The following CLDN14 variants were observed in gnomAD, a reference collection of about 807,000 sequenced individuals.
The protein encoded by CLDN14 is claudin-14.
Under a neutral mutation model 2.1 loss-of-function variants are expected in CLDN14, and 2 were observed. That is an observed-to-expected ratio of 0.96 (90% CI 0.39 to 3.01). CLDN14 has a LOEUF of 3.01. Among genes scored for constraint, CLDN14 ranks in the 30% most tolerant of loss-of-function variants. The probability of loss-of-function intolerance (pLI) is 0.09; values close to 1 mark genes in which losing one functional copy is unlikely to be tolerated. For missense variants in CLDN14, 298 were observed against 328.0 expected, an observed-to-expected ratio of 0.91 and a Z score of 0.71; for synonymous variants, 136 against 154.4, an observed-to-expected ratio of 0.88 and a Z score of 0.88.
intron 1 of CLDN14, among the ~76,000 whole-genome samples, chr21:36,576,072 A>T (rs1461889140): frequency 6.6e-6 from 1 of 152,138 alleles, no homozygotes; most frequent in Non-Finnish European, 1.5e-5. Flanking sequence ...AAACCAACCA[A>T]CCATCCCCTC....
At position 36,558,556 on chromosome 21, in the gene CLDN14, G is replaced by A. The variant is rs1317955434; in HGVS notation, c.-220+17855C>T. ...GTGTGAAAGCCAGTTTATAAAGACA[G>A]GAAAGGAATAAAGAATGGCTACTCT... On this transcript the variant is annotated intron_variant, in intron 1 of 2. Coordinates refer to the CLDN14 transcript ENST00000342108. 2.0e-5 allele frequency among the ~76,000 whole-genome samples: 3 copies of A among 152,104 alleles called. No individual in the cohort carries two copies. The East Asian group carries it at 5.8e-4, about 29-fold the overall frequency.
rs1189526170 is a variant in CLDN14 at position 36,544,819 on chromosome 21, C to G, written c.-220+31592G>C. Among the ~76,000 whole-genome samples the G allele has an allele frequency of 6.6e-6, 1 of 152,136 alleles. No individual in the cohort carries two copies. Among genetic ancestry groups the G allele is most frequent in the African/African-American group, 2.4e-5 (1 of 41,410 alleles). ...GAAGTAAGACATGTGCACAGAGCAA[C>G]CATGTGAAAACAATTAGGACGACAA... On this transcript the variant is annotated intron_variant, in intron 1 of 2. Transcript: ENST00000342108. The surrounding 1 kb of genome is among the most constrained non-coding windows in gnomAD (Gnocchi z 4.1).
chr21:36,569,352 G>A (rs904434159), intron 1 of CLDN14, among the ~76,000 whole-genome samples: 1 of 151,810 alleles, frequency 6.6e-6, no homozygotes, highest in African/African-American at 2.4e-5. Context: ...GGAGGCAAAG[G>A]TTGCAGTGAG....
In CLDN14 at chr21:36,460,981, C is replaced by T. The variant is rs201218449; in HGVS notation, c.715G>A (p.Val239Met). The change falls in exon 2 of 2, where the codon GTG becomes ATG. Residue 239 changes from valine to methionine, a missense_variant. Physicochemically the swap from Val to Met is conservative, Grantham distance 21. Coordinates refer to ENST00000399135, the MANE Select transcript of CLDN14 (RefSeq NM_001146079.2). The surrounding 1 kb of genome is among the most constrained non-coding windows in gnomAD (Gnocchi z 4.0). The part of the protein sequence containing the change: ...THSGYRLNDY[V>M] ...GAGAAGCAGGCTGTGGGGACTCACA[C>T]GTAGTCGTTCAGCCTGTACCCGCTG... 3.6e-5 allele frequency: 58 copies of T among 1,612,416 alleles called. No homozygotes were observed. Among genetic ancestry groups the T allele is most frequent in the Admixed American group, 1.5e-4 (9 of 60,004 alleles).
At chr21:36,480,829 C>T (rs936722996), upstream of CLDN14, 2 of 152,096 alleles carry the variant, frequency 1.3e-5, no homozygotes, top group Middle Eastern at 3.4e-3. Flanking sequence ...ATCAATCCGC[C>T]GGGCTCTGGT....
chr21:36,487,151 A>C (rs150494374), intron 2 of CLDN14: 8,478 of 208,094 alleles, frequency 0.041, 232 homozygotes, highest in Non-Finnish European at 0.057. Context: ...CACCCGGCTA[A>C]TTTTTGTATT....
At chr21:36,506,363 A>C (rs1424129544) in intron 2 of CLDN14, among the ~76,000 whole-genome samples, 1 of 152,154 alleles carries the variant, frequency 6.6e-6, no homozygotes, top group Non-Finnish European at 1.5e-5. Flanking sequence ...TTGGGAGGCC[A>C]AGGCAGGTGG....
rs1350203298 is a variant in CLDN14 at position 36,515,787 on chromosome 21, C to G, written c.-219-5287G>C. Reference sequence around the variant, plus strand: ...CTAAGCTGTGTTTCCCTTTTATCTTCTCTTTTTTTTTTTTTTTGAGACAGA... The same window carrying G: ...CTAAGCTGTGTTTCCCTTTTATCTTGTCTTTTTTTTTTTTTTTGAGACAGA... On this transcript the variant is annotated intron_variant, in intron 1 of 2. Transcript: ENST00000342108. Among the ~76,000 whole-genome samples the G allele has an allele frequency of 1.2e-4, 4 of 34,246 alleles. No individual in the cohort carries two copies. In the East Asian group the frequency reaches 1.6e-3, roughly 13 times the overall value. 22.5% of individuals were successfully genotyped at this position (34,246 alleles called of 152,430 possible). A position where few individuals can be genotyped will look rare whatever the true frequency, so the allele number is the denominator to read the frequency against.
At chr21:36,501,424 A>C (rs1482549122) in intron 2 of CLDN14, among the ~76,000 whole-genome samples, 1 of 136,244 alleles carries the variant, frequency 7.3e-6, no homozygotes, top group Non-Finnish European at 1.5e-5. Flanking sequence ...AACCAGGTTA[A>C]ATCTGACCTT....
rs2146464768 is a variant in CLDN14, at chr21:36,492,442, A to C, written c.-82+17921T>G. 3.7e-5 allele frequency among the ~76,000 whole-genome samples: 4 copies of C among 106,920 alleles called. 1 individual carries two copies. Among genetic ancestry groups the C allele is most frequent in the South Asian group, 6.6e-4 (2 of 3,012 alleles). The allele number at this position is 106,920 out of a possible 152,430, so 70.1% of individuals were successfully genotyped here. A position where few individuals can be genotyped will look rare whatever the true frequency, so the allele number is the denominator to read the frequency against. On this transcript the variant is annotated intron_variant, in intron 2 of 2. Coordinates refer to the CLDN14 transcript ENST00000342108. Reference sequence around the variant, plus strand: ...GGCGACAGAGCGAGACTCCGTCCCAAAAAAAAAAAAAAAAAAAAAAAAAAA... The same window carrying C: ...GGCGACAGAGCGAGACTCCGTCCCACAAAAAAAAAAAAAAAAAAAAAAAAA...
Position 36,498,224 on chromosome 21 carries a change from C to T in CLDN14, c.-82+12139G>A, listed in dbSNP as rs1225225331. ...CCATATTGGCCAGGCTGGTGTCGAA[C>T]TCCTGACCTCAGGCGGTCCACCTGC... On this transcript the variant is annotated intron_variant, in intron 2 of 2. Transcript: ENST00000342108. This position sits in a 1 kb window ranked among gnomAD's most constrained non-coding sequence, Gnocchi z 4.9. Among the ~76,000 whole-genome samples the T allele has an allele frequency of 6.6e-6, 1 of 152,168 alleles. No homozygotes were observed. Among genetic ancestry groups the T allele is most frequent in the East Asian group, 1.9e-4 (1 of 5,196 alleles).
intron 2 of CLDN14, among the ~76,000 whole-genome samples, chr21:36,500,010 A>G (rs1278403244): frequency 3.7e-5 from 4 of 106,672 alleles, no homozygotes; most frequent in African/African-American, 1.2e-4. Flanking sequence ...GAATTAGAGC[A>G]TGTTGTTCAT....
upstream of CLDN14, chr21:36,480,972 T>A (rs2086839933): frequency 6.6e-6 from 1 of 152,184 alleles, no homozygotes; most frequent in East Asian, 1.9e-4. Context: ...TCCAGTAGTG[T>A]CAGGAGCTTG....
upstream of CLDN14, among the ~76,000 whole-genome samples, chr21:36,482,546 C>T (rs142626006): frequency 6.6e-6 from 1 of 152,268 alleles, no homozygotes; most frequent in African/African-American, 2.4e-5. Context: ...AGACTAGGGT[C>T]TGACACATTA....
At chr21:36,552,847 C>T (rs1294708424) in intron 1 of CLDN14, among the ~76,000 whole-genome samples, 2 of 152,224 alleles carry the variant, frequency 1.3e-5, no homozygotes, top group African/African-American at 2.4e-5. Context: ...CTTTGATCAC[C>T]ACCCCTTTTC....
At chr21:36,562,346 G>A (rs1242652960) in intron 1 of CLDN14, among the ~76,000 whole-genome samples, 1 of 152,144 alleles carries the variant, frequency 6.6e-6, no homozygotes, top group African/African-American at 2.4e-5. Context: ...CAGGAAGTAG[G>A]CTACAGCCAA....
rs1259283580 is a variant in CLDN14 at position 36,523,762 on chromosome 21, AG to A, written c.-219-13263del. On this transcript the variant is annotated intron_variant, in intron 1 of 2. Transcript: ENST00000342108. ...GACTCCATCTAAAAAAAAAAAAAAA[AG>A]AAAGAAAGAGAGAAAGAGAGAAAGA... is the stretch of plus-strand genomic sequence containing the variant. Among the ~76,000 whole-genome samples the A allele has an allele frequency of 6.3e-3, 203 of 32,368 alleles. 20 individuals carry two copies. The highest frequency in any genetic ancestry group is 0.022 in the Middle Eastern group (1 of 46). The allele number at this position is 32,368 out of a possible 152,430, so 21.2% of individuals were successfully genotyped here.
intron 2 of CLDN14, chr21:36,486,799 C>G (rs1377165220): frequency 1.3e-6 from 1 of 760,528 alleles, no homozygotes; most frequent in Non-Finnish European, 2.3e-6. Context: ...CTTGCCCCGT[C>G]AGCGCTTCAG....
chr21:36,512,699 A>T lies in CLDN14; in HGVS notation c.-219-2199T>A, dbSNP rs114935855. On this transcript the variant is annotated intron_variant, in intron 1 of 2. Coordinates refer to the CLDN14 transcript ENST00000342108. The stretch of plus-strand genomic sequence containing the variant: ...TGGACATATATGTGTATGCATGTGA[A>T]CATATCTGTGTATGCCTGTGAACAT... Among the ~76,000 whole-genome samples, 613 of 152,336 alleles carry T rather than the reference A, an allele frequency of 4.0e-3. 4 individuals carry two copies. Among genetic ancestry groups the T allele is most frequent in the African/African-American group, 0.014 (591 of 41,586 alleles).
Sources: allele counts gnomAD v4.1 joint callset (sites outside exome capture counted in the v4.1 genomes callset), GRCh38; gene constraint gnomAD v4.1.1; non-coding constraint Gnocchi (gnomAD v3.1); transcripts MANE v1.5; gene names NCBI Gene and HGNC (gene_info 2026-07-23, HGNC 2026-07-21).